The following ENPP4 variants were observed in gnomAD, a reference collection of about 807,000 sequenced individuals.
ENPP4 encodes bis(5'-adenosyl)-triphosphatase ENPP4.
ENPP4 carries 18 observed loss-of-function variants against 33.4 expected under a neutral mutation model. That is an observed-to-expected ratio of 0.54 (90% confidence interval 0.37 to 0.80). ENPP4 has a LOEUF of 0.80. ENPP4 is among the 30% of genes least tolerant of loss of function. ENPP4 has a pLI of 0.00. For synonymous variants in ENPP4, 172 were observed against 189.9 expected, an observed-to-expected ratio of 0.91 and a Z score of 0.78; for missense variants, 480 against 541.7, an observed-to-expected ratio of 0.89 and a Z score of 1.13.
rs1385589856 is a variant in ENPP4, at chr6:46,139,719, T to C, written c.136T>C (p.Phe46Leu). The C allele has an allele frequency of 6.2e-7, 1 of 1,611,612 alleles. No individual in the cohort carries two copies. Among genetic ancestry groups the C allele is most frequent in the South Asian group, 1.1e-5 (1 of 91,030 alleles). Reference protein sequence around the residue: ...FRADYLKNYEFPHLQNFIKEG... With the variant: ...FRADYLKNYELPHLQNFIKEG... ...AGCTGATTATCTGAAGAACTATGAA[T>C]TTCCTCATCTCCAGAATTTTATCAA... Residue 46 changes from phenylalanine to leucine, a missense_variant, in exon 2 of 4, where the codon TTT (phenylalanine) becomes CTT (leucine). By Grantham distance (22) the Phe-to-Leu change is conservative. Around this residue, in one of 3 missense-constraint regions of ENPP4, gnomAD observed 227 missense variants for 273.7 expected, o/e 0.83. Coordinates refer to ENST00000321037, the MANE Select transcript of ENPP4 (RefSeq NM_014936.5).
intron 1 of ENPP4, among the ~76,000 whole-genome samples, chr6:46,136,338 A>T (rs1467871503): frequency 6.6e-6 from 1 of 152,022 alleles, no homozygotes; most frequent in Non-Finnish European, 1.5e-5. Context: ...GATAGTAGAT[A>T]TTTGTTGAAT....
intron 1 of ENPP4, among the ~76,000 whole-genome samples, chr6:46,131,353 C>A (rs1309263997): frequency 6.8e-6 from 1 of 146,044 alleles, no homozygotes; most frequent in African/African-American, 2.5e-5. Context: ...TGTTCCCCTT[C>A]CTGTGTCCAT....
chr6:46,140,267 A>T lies in ENPP4; in HGVS notation c.684A>T (p.Glu228Asp), dbSNP rs1175574256. ...GACTCAAGATGTTAGGGCTATGGGAAAATCTTAATGTGATCATTACAAGTG... is the reference window on the plus strand; with the variant it reads ...GACTCAAGATGTTAGGGCTATGGGATAATCTTAATGTGATCATTACAAGTG... ...VQRLKMLGLW[E>D]NLNVIITSDH... Residue 228 changes from glutamate to aspartate, a missense_variant, in exon 2 of 4, where the codon GAA (glutamate) becomes GAT (aspartate). Coordinates refer to ENST00000321037, the MANE Select transcript of ENPP4 (RefSeq NM_014936.5). 8.7e-6 allele frequency: 14 copies of T among 1,612,564 alleles called. No individual in the cohort carries two copies. The highest frequency in any genetic ancestry group is 1.1e-5 in the Non-Finnish European group (13 of 1,178,980).
rs1331179168 is a variant in ENPP4 at position 46,145,706 on chromosome 6, C to A, written c.*2066C>A. On this transcript the variant is annotated 3_prime_UTR_variant, in exon 4 of 4. Coordinates refer to ENST00000321037, the MANE Select transcript of ENPP4 (RefSeq NM_014936.5). ...TGAGTGGATTTTATATAGGATGGAACAGGAAGGTATGTCCTGTCAGTATCT... is the reference window on the plus strand; with the variant it reads ...TGAGTGGATTTTATATAGGATGGAAAAGGAAGGTATGTCCTGTCAGTATCT... 2.0e-5 allele frequency: 3 copies of A among 151,766 alleles called. No individual in the cohort carries two copies. In the East Asian group the frequency reaches 5.8e-4, roughly 29 times the overall value. The allele number at this position is 151,766 out of a possible 1,614,324, so 9.4% of individuals were successfully genotyped here.
chr6:46,145,672 T>C lies in ENPP4; in HGVS notation c.*2032T>C, dbSNP rs1764130810. On this transcript the variant is annotated 3_prime_UTR_variant, in exon 4 of 4. Coordinates refer to ENST00000321037, the MANE Select transcript of ENPP4 (RefSeq NM_014936.5). The stretch of plus-strand genomic sequence containing the variant: ...GAGTTTCAGAAATCTATACTTGGCA[T>C]CCAACTCATGAGTGGATTTTATATA... 6.6e-6 allele frequency: 1 copy of C among 151,812 alleles called. No individual in the cohort carries two copies. Among genetic ancestry groups the C allele is most frequent in the Non-Finnish European group, 1.5e-5 (1 of 67,812 alleles). 9.4% of individuals were successfully genotyped at this position (151,812 alleles called of 1,614,324 possible). A position where few individuals can be genotyped will look rare whatever the true frequency, so the allele number is the denominator to read the frequency against.
chr6:46,141,002 T>A (rs760891646), intron 2 of ENPP4, 50 bp from the exon 3 acceptor site: 1 of 1,194,994 alleles, frequency 8.4e-7, no homozygotes, highest in Non-Finnish European at 1.2e-6. Context: ...ACATATTTTT[T>A]CCTTATCAAT....
chr6:46,130,356 C>G (rs1399709945), intron 1 of ENPP4, among the ~76,000 whole-genome samples, 167 bp downstream of exon 1: 1 of 152,176 alleles, frequency 6.6e-6, no homozygotes, highest in Non-Finnish European at 1.5e-5. Flanking sequence ...CGAAGGGACT[C>G]AAAGAGCCAG....
rs1378469448 is a variant in ENPP4 at position 46,130,092 on chromosome 6, C to T, written c.-131C>T. 6.6e-6 allele frequency: 1 copy of T among 152,258 alleles called. No individual in the cohort carries two copies. Among genetic ancestry groups the T allele is most frequent in the East Asian group, 1.9e-4 (1 of 5,160 alleles). 9.4% of individuals were successfully genotyped at this position (152,258 alleles called of 1,614,324 possible). On this transcript the variant is annotated 5_prime_UTR_variant, in exon 1 of 4. Coordinates refer to ENST00000321037, the MANE Select transcript of ENPP4 (RefSeq NM_014936.5). The stretch of plus-strand genomic sequence containing the variant: ...CCTCAGGAAGAGCTCGGCATCGCCC[C>T]TCTTCCTCCAGGTCCCCCTTCCCCG...
chr6:46,139,496 ACTT>A (rs1764023586), intron 1 of ENPP4, 52 bp from the exon 2 acceptor site: 1 of 737,234 alleles, frequency 1.4e-6, no homozygotes, highest in Non-Finnish European at 2.3e-6. Flanking sequence ...AAATTCTAAA[ACTT>A]AACCCAAATG....
rs570657894 is a variant in ENPP4 at position 46,132,473 on chromosome 6, G to A, written c.-34+2284G>A. Among the ~76,000 whole-genome samples the A allele has an allele frequency of 1.7e-4, 26 of 152,198 alleles. No individual in the cohort carries two copies. The East Asian group carries it at 4.1e-3, about 24-fold the overall frequency. On this transcript the variant is annotated intron_variant, in intron 1 of 3. Coordinates refer to ENST00000321037, the MANE Select transcript of ENPP4 (RefSeq NM_014936.5). Reference sequence around the variant, plus strand: ...AAAGATTAGATAGTTGTAGATATGCGGCGTTATTTCTGAGGGCTCTGTTCT... The same window carrying A: ...AAAGATTAGATAGTTGTAGATATGCAGCGTTATTTCTGAGGGCTCTGTTCT...
rs1340763735 is a variant in ENPP4, at chr6:46,140,132, A to G, written c.549A>G (p.Leu183=). ...NSNPPVTFAT[L]YWEEPDASGH... is the part of the protein sequence containing the mutation. Reference sequence around the variant, plus strand: ...ACCCACCAGTCACCTTTGCAACACTATATTGGGAAGAACCAGATGCAAGTG... The same window carrying G: ...ACCCACCAGTCACCTTTGCAACACTGTATTGGGAAGAACCAGATGCAAGTG... Residue 183 remains leucine, a synonymous_variant, in exon 2 of 4, where the codon CTA becomes CTG. Transcript: ENST00000321037. 1.9e-6 allele frequency: 3 copies of G among 1,612,520 alleles called. No homozygotes were observed. Among genetic ancestry groups the G allele is most frequent in the African/African-American group, 1.3e-5 (1 of 74,804 alleles).
intron 1 of ENPP4, among the ~76,000 whole-genome samples, chr6:46,134,639 T>A (rs1763953867): frequency 1.3e-5 from 2 of 152,116 alleles, no homozygotes; most frequent in African/African-American, 4.8e-5. Context: ...TGTTTCCTGT[T>A]TTGTGGCAGG....
Position 46,140,392 on chromosome 6 carries a change from C to A in ENPP4, c.809C>A (p.Ala270Glu), listed in dbSNP as rs1435109410. Reference protein sequence around the residue: ...YTLIDLSPVAAILPKINRTEV... With the variant: ...YTLIDLSPVAEILPKINRTEV... Reference sequence around the variant, plus strand: ...CTTATAGATTTGAGCCCAGTTGCTGCAATACTTCCCAAAATAAGTAAGTAA... The same window carrying A: ...CTTATAGATTTGAGCCCAGTTGCTGAAATACTTCCCAAAATAAGTAAGTAA... Residue 270 changes from alanine to glutamate, a missense_variant, in exon 2 of 4, where the codon GCA becomes GAA. Physicochemically the swap from Ala to Glu is moderately radical, Grantham distance 107 (BLOSUM62 -1). This residue lies in a region of ENPP4 where 249 missense variants were observed against 251.8 expected (regional missense o/e 0.99). Transcript: ENST00000321037. The A allele has an allele frequency of 5.8e-6, 9 of 1,563,380 alleles. No individual in the cohort carries two copies. Among genetic ancestry groups the A allele is most frequent in the African/African-American group, 1.4e-5 (1 of 72,560 alleles).
chr6:46,141,948 T>G (rs189380560), intron 3 of ENPP4, among the ~76,000 whole-genome samples: 1 of 151,712 alleles, frequency 6.6e-6, no homozygotes, highest in African/African-American at 2.4e-5. Flanking sequence ...CTGCCTTTAT[T>G]GTGTAAAAGT....
At position 46,144,361 on chromosome 6, in the gene ENPP4, A is replaced by G. The variant is rs1015077656; in HGVS notation, c.*721A>G. 3 of 151,902 alleles carry G rather than the reference A, an allele frequency of 2.0e-5. No individual in the cohort carries two copies. The highest frequency in any genetic ancestry group is 7.2e-5 in the African/African-American group (3 of 41,484). The allele number at this position is 151,902 out of a possible 1,614,324, so 9.4% of individuals were successfully genotyped here. A position where few individuals can be genotyped will look rare whatever the true frequency, so the allele number is the denominator to read the frequency against. On this transcript the variant is annotated 3_prime_UTR_variant, in exon 4 of 4. Coordinates refer to ENST00000321037, the MANE Select transcript of ENPP4 (RefSeq NM_014936.5). ...AAGAGAGACAAGTGCTCTTCTCTCT[A>G]TCTATGCTTAATGCCTTTATGTAAG...
At chr6:46,141,395 A>G (rs1456326285) in intron 3 of ENPP4, among the ~76,000 whole-genome samples, 173 bp downstream of exon 3, 1 of 151,678 alleles carries the variant, frequency 6.6e-6, no homozygotes, top group African/African-American at 2.4e-5. Flanking sequence ...AGTAATCACA[A>G]TTTCACCTTT....
At chr6:46,132,146 C>T (rs1215991992) in intron 1 of ENPP4, among the ~76,000 whole-genome samples, 34 of 152,054 alleles carry the variant, frequency 2.2e-4, no homozygotes, top group Admixed American at 5.9e-4. Flanking sequence ...TGTGCAGAAG[C>T]TCTTTAGTTT....
At position 46,143,890 on chromosome 6, in the gene ENPP4, A is replaced by G; in HGVS notation, c.*250A>G. 1 of 357,372 alleles carries G rather than the reference A, an allele frequency of 2.8e-6. No individual in the cohort carries two copies. Among genetic ancestry groups the G allele is most frequent in the East Asian group, 4.5e-5 (1 of 22,042 alleles). The allele number at this position is 357,372 out of a possible 1,614,324, so 22.1% of individuals were successfully genotyped here. On this transcript the variant is annotated 3_prime_UTR_variant, in exon 4 of 4. Coordinates refer to ENST00000321037, the MANE Select transcript of ENPP4 (RefSeq NM_014936.5). The stretch of plus-strand genomic sequence containing the variant: ...TTGTGGTAGGAAATCATTAGGTAAC[A>G]TCAATCCTAACTAGAAATACTAAAA...
In ENPP4 at chr6:46,143,654, T is replaced by C. The variant is rs1224777271; in HGVS notation, c.*14T>C. The C allele has an allele frequency of 6.3e-7, 1 of 1,585,678 alleles. No homozygotes were observed. Among genetic ancestry groups the C allele is most frequent in the South Asian group, 1.2e-5 (1 of 86,640 alleles). On this transcript the variant is annotated 3_prime_UTR_variant, in exon 4 of 4. Coordinates refer to ENST00000321037, the MANE Select transcript of ENPP4 (RefSeq NM_014936.5). ...TTAATTGGGTGACATGTGCTAGGGC[T>C]TATACAAAGTGTCTTTGATTAATCA...
Sources: gnomAD v4.1 joint callset for allele counts (sites outside exome capture counted in the v4.1 genomes callset) on GRCh38, gnomAD v4.1.1 for gene constraint, gnomAD v4.1.1 regional missense constraint, MANE v1.5 for transcripts, NCBI Gene and HGNC (gene_info 2026-07-23, HGNC 2026-07-21) for gene names.